SYCP3: variants seen among roughly 807,000 people sequenced by gnomAD.
SYCP3 encodes synaptonemal complex protein 3.
A neutral mutation model predicts 38.5 loss-of-function variants in SYCP3; 29 were observed. That is an observed-to-expected ratio of 0.75 (90% CI 0.56 to 1.03). The LOEUF is 1.03. SYCP3 is among the 50% of genes least tolerant of loss of function. The pLI, the probability that SYCP3 is intolerant of heterozygous loss-of-function variation, is 0.00. For missense variants in SYCP3, 242 were observed against 270.7 expected, an observed-to-expected ratio of 0.89 and a Z score of 0.74; for synonymous variants, 79 against 80.3, an observed-to-expected ratio of 0.98 and a Z score of 0.08.
At chr12:101,735,871 A>ATATATATATATATATATTTTTTTTTTTT in intron 4 of SYCP3, among the ~76,000 whole-genome samples, 54 of 74,666 alleles carry the variant, frequency 7.2e-4, no homozygotes, top group African/African-American at 1.9e-3. Context: ...ATATATATAT[A>ATATATATATATATATATTTTTTTTTTTT]TTTTTTTTTT....
chr12:101,739,003 G>A (rs1952597192), intron 1 of SYCP3, among the ~76,000 whole-genome samples: 2 of 152,346 alleles, frequency 1.3e-5, no homozygotes, highest in African/African-American at 2.4e-5. Context: ...CTCGGAAAAT[G>A]AACACAGGCA....
intron 2 of SYCP3, 67 bp from the exon 3 acceptor site, chr12:101,737,365 T>G: frequency 7.2e-7 from 1 of 1,392,120 alleles, no homozygotes; most frequent in Non-Finnish European, 9.9e-7. Context: ...TGGTAAATTT[T>G]AATGAAACAT....
chr12:101,738,064 T>A, intron 1 of SYCP3, 112 bp from the exon 2 acceptor site: 1 of 1,268,618 alleles, frequency 7.9e-7, no homozygotes, highest in Non-Finnish European at 1.1e-6. Context: ...GAATACAATT[T>A]TAACAGTTTC....
rs1372328826 is a variant in SYCP3, at chr12:101,737,087, AT to A, written c.201-17del. On this transcript the variant is annotated splice_polypyrimidine_tract_variant and intron_variant, in intron 3 of 8. Transcript: ENST00000392924. ...CACTTCACCCCTGGAAAGAAATTAC[AT>A]TTTAAACACTTTAGAAGATCCACAA... is the stretch of plus-strand genomic sequence containing the variant. The A allele has an allele frequency of 1.9e-6, 3 of 1,613,946 alleles. No individual in the cohort carries two copies. In the African/African-American group the frequency reaches 4.0e-5, roughly 22 times the overall value.
chr12:101,733,047 A>C (rs1000187393), intron 6 of SYCP3: 1 of 154,490 alleles, frequency 6.5e-6, no homozygotes, highest in Non-Finnish European at 1.4e-5. Flanking sequence ...CTAACTATAC[A>C]ATGATTGGTT....
At position 101,737,865 on chromosome 12, in the gene SYCP3, G is replaced by GCT; in HGVS notation, c.69_70dup (p.Ala24GlufsTer13). 1 of 1,614,142 alleles carries GCT rather than the reference G, an allele frequency of 6.2e-7. No individual in the cohort carries two copies. Among genetic ancestry groups the GCT allele is most frequent in the South Asian group, 1.1e-5 (1 of 91,080 alleles). On this transcript the variant is annotated frameshift_variant, in exon 2 of 9. Coordinates refer to ENST00000392924, the MANE Select transcript of SYCP3 (RefSeq NM_001177949.2). LOFTEE classifies it high-confidence loss of function. ...CTTATCTTCAGTCTCAAAGTCATAG[G>GCT]CTCTCGTAAACTGATCTTCCACAGA...
Position 101,731,597 on chromosome 12 carries a change from T to C in SYCP3, c.523A>G (p.Ile175Val). ...ATGAACTGCTCATATAACTGTTTAA[T>C]TGTTTTCAATCTCTGGCTCTGAACA... Reference protein sequence around the residue: ...RIVQSQRLKTIKQLYEQFIKS... With the variant: ...RIVQSQRLKTVKQLYEQFIKS... Residue 175 changes from isoleucine to valine, a missense_variant, in exon 7 of 9, where the codon ATT (isoleucine) becomes GTT (valine). Physicochemically the swap from Ile to Val is conservative, Grantham distance 29 (BLOSUM62 3). Coordinates refer to ENST00000392924, the MANE Select transcript of SYCP3 (RefSeq NM_001177949.2). 1.9e-6 allele frequency: 3 copies of C among 1,607,084 alleles called. No homozygotes were observed. The highest frequency in any genetic ancestry group is 4.5e-5 in the East Asian group (2 of 44,624).
At position 101,737,836 on chromosome 12, in the gene SYCP3, C is replaced by A. The variant is rs1566057992; in HGVS notation, c.100G>T (p.Asp34Tyr). Residue 34 changes from aspartate (D) to tyrosine (Y), a missense_variant, in exon 2 of 9, where the codon GAT (aspartate) becomes TAT (tyrosine). Transcript: ENST00000392924. ...AYDFETEDKK[D>Y]LSGSEEDVIE... ...ACATCTTCCTCTGATCCACTCAGAT[C>A]TTTCTTATCTTCAGTCTCAAAGTCA... The A allele has an allele frequency of 6.2e-7, 1 of 1,614,218 alleles. No individual in the cohort carries two copies. Among genetic ancestry groups the A allele is most frequent in the Non-Finnish European group, 8.5e-7 (1 of 1,180,036 alleles).
At chr12:101,737,727 A>C in intron 2 of SYCP3, 76 bp downstream of exon 2, 1 of 1,601,900 alleles carries the variant, frequency 6.2e-7, no homozygotes. Flanking sequence ...TTACAAACTA[A>C]GTTGTACGAT....
intron 7 of SYCP3, 77 bp from the exon 8 acceptor site, chr12:101,729,290 CA>C: frequency 7.3e-7 from 1 of 1,375,544 alleles, no homozygotes; most frequent in Non-Finnish European, 1.0e-6. Flanking sequence ...AATTAATTTT[CA>C]AAAGTAGTAA....
At chr12:101,730,754 C>T in intron 7 of SYCP3, 1 of 184,724 alleles carries the variant, frequency 5.4e-6, no homozygotes, top group Non-Finnish European at 1.1e-5. Flanking sequence ...CTCGCCTTGG[C>T]ATCCCAAAGT....
intron 1 of SYCP3, among the ~76,000 whole-genome samples, chr12:101,738,620 C>T (rs968555289): frequency 2.0e-5 from 3 of 152,104 alleles, no homozygotes; most frequent in Admixed American, 1.3e-4. Context: ...CCTATGATCT[C>T]AGTTACTCAG....
chr12:101,739,430 C>A lies in SYCP3; in HGVS notation c.-97G>T, dbSNP rs1952622839. The A allele has an allele frequency of 7.0e-6, 7 of 1,002,770 alleles. No homozygotes were observed. The highest frequency in any genetic ancestry group is 8.4e-6 in the Non-Finnish European group (7 of 830,360). The allele number at this position is 1,002,770 out of a possible 1,614,324, so 62.1% of individuals were successfully genotyped here. ...CCACAACTCCTCCACAAGCGCGCTT[C>A]ACCTGAGGTGGCCCCTTCTCCGCGA... On this transcript the variant is annotated 5_prime_UTR_variant, in exon 1 of 9. Transcript: ENST00000392924.
chr12:101,734,972 C>G lies in SYCP3; in HGVS notation c.308G>C (p.Ser103Thr), dbSNP rs1243025518. 2 of 1,613,514 alleles carry G rather than the reference C, an allele frequency of 1.2e-6. No individual in the cohort carries two copies. The highest frequency in any genetic ancestry group is 1.7e-6 in the Non-Finnish European group (2 of 1,179,794). Residue 103 changes from serine (S) to threonine (T), a missense_variant, in exon 5 of 9, where the codon AGT (serine) becomes ACT (threonine). Physicochemically the swap from Ser to Thr is moderately conservative, Grantham distance 58. Coordinates refer to ENST00000392924, the MANE Select transcript of SYCP3 (RefSeq NM_001177949.2). ...EMYTKASLKTSNQKIEHVWKT... is the reference protein window; with the variant it reads ...EMYTKASLKTTNQKIEHVWKT... ...CCAAACATGTTCAATTTTCTGGTTA[C>G]TAGTTTTGAGAGAAGCCTTGGTATA...
chr12:101,729,325 CTA>C, intron 7 of SYCP3, 112 bp from the exon 8 acceptor site: 1 of 1,054,878 alleles, frequency 9.5e-7, no homozygotes, highest in Non-Finnish European at 1.4e-6. Context: ...AAATGCTCAT[CTA>C]TTTGAAATAA....
intron 7 of SYCP3, chr12:101,730,491 ATTTTTTTTTT>A: frequency 3.0e-6 from 1 of 328,754 alleles, no homozygotes. Flanking sequence ...TGTGTGTATA[ATTTTTTTTTT>A]TTTTTTTTTT....
chr12:101,733,803 G>A, intron 5 of SYCP3, 129 bp from the exon 6 acceptor site: 1 of 785,372 alleles, frequency 1.3e-6, no homozygotes, highest in South Asian at 1.7e-5. Flanking sequence ...CTTCTGATGG[G>A]AAACCAAAAA....
At chr12:101,735,716 C>A (rs1566055482) in intron 4 of SYCP3, among the ~76,000 whole-genome samples, 1 of 150,042 alleles carries the variant, frequency 6.7e-6, no homozygotes, top group African/African-American at 2.5e-5. Flanking sequence ...TAAAATACAC[C>A]CCAATTAAAA....
chr12:101,734,593 AT>A (rs1032049047), intron 5 of SYCP3, among the ~76,000 whole-genome samples: 1 of 152,056 alleles, frequency 6.6e-6, no homozygotes, highest in African/African-American at 2.4e-5. Context: ...CTAGAATAGT[AT>A]TTTTCTTTTC....
Sources: allele counts gnomAD v4.1 joint callset (sites outside exome capture counted in the v4.1 genomes callset), GRCh38; gene constraint gnomAD v4.1.1; transcripts MANE v1.5; gene names NCBI Gene and HGNC (gene_info 2026-07-23, HGNC 2026-07-21).